The following MCC variants were observed in gnomAD, a reference collection of about 807,000 sequenced individuals.
MCC encodes colorectal mutant cancer protein.
A neutral mutation model predicts 116.2 loss-of-function variants in MCC; 90 were observed. That is an observed-to-expected ratio of 0.77 (90% confidence interval 0.65 to 0.92). The LOEUF (loss-of-function observed/expected upper bound fraction) is 0.92. MCC is among the 40% of genes least tolerant of loss of function. MCC has a pLI of 0.00. For missense variants in MCC, 1,516 were observed against 1,312.2 expected (o/e 1.16, Z -2.40); for synonymous variants, 578 against 510.5 (o/e 1.13, Z -1.78).
rs13154910 is a variant in MCC at position 113,186,668 on chromosome 5, A to T, written c.628-35246T>A. Among the ~76,000 whole-genome samples, 1,237 of 152,308 alleles carry T rather than the reference A, an allele frequency of 8.1e-3. 12 individuals carry two copies. The highest frequency in any genetic ancestry group is 0.012 in the Non-Finnish European group (828 of 68,024). On this transcript the variant is annotated intron_variant, in intron 3 of 18. Transcript: ENST00000408903. The stretch of plus-strand genomic sequence containing the variant: ...TATATTAGAGAATAAAGCAAAACAC[A>T]TACTAGAGAAAACATCTACCTATTA...
intron 7 of MCC, among the ~76,000 whole-genome samples, chr5:113,103,406 T>C (rs574592825): frequency 3.9e-5 from 6 of 152,228 alleles, no homozygotes; most frequent in African/African-American, 1.4e-4. Flanking sequence ...GACATTACAA[T>C]CAAATATAGG....
At chr5:113,336,139 C>T (rs1008327141) in intron 3 of MCC, among the ~76,000 whole-genome samples, 3 of 151,292 alleles carry the variant, frequency 2.0e-5, no homozygotes, top group Non-Finnish European at 2.9e-5. Context: ...AGGAACCTGT[C>T]CTTTTAAAAT....
chr5:113,301,846 G>A (rs1766869405), intron 3 of MCC, among the ~76,000 whole-genome samples: 1 of 152,212 alleles, frequency 6.6e-6, no homozygotes, highest in Admixed American at 6.5e-5. Flanking sequence ...GGAACATGAT[G>A]AAAAAGATCA....
chr5:113,096,334 G>T (rs1309435207), intron 8 of MCC, among the ~76,000 whole-genome samples: 2 of 152,184 alleles, frequency 1.3e-5, no homozygotes, highest in Non-Finnish European at 2.9e-5. Flanking sequence ...TAATGTGGGG[G>T]AGTGTGCCAG....
chr5:113,183,578 G>C (rs981463662), intron 3 of MCC, among the ~76,000 whole-genome samples: 6 of 152,078 alleles, frequency 3.9e-5, no homozygotes, highest in Admixed American at 1.3e-4. Flanking sequence ...TTCATTGGCT[G>C]CATCAAATTA....
At chr5:113,068,698 G>A (rs192713035) in intron 12 of MCC, among the ~76,000 whole-genome samples, 105 of 152,336 alleles carry the variant, frequency 6.9e-4, no homozygotes, top group African/African-American at 2.3e-3. Flanking sequence ...GCCAGCTGTC[G>A]TGTCTTCAAG....
intron 3 of MCC, among the ~76,000 whole-genome samples, chr5:113,168,365 T>C (rs10037994): frequency 0.027 from 4,141 of 152,324 alleles, 100 homozygotes; most frequent in East Asian, 0.083. Flanking sequence ...AGACAAGTGC[T>C]TTAACATGAT....
chr5:113,093,832 A>G (rs1755820318), intron 8 of MCC, among the ~76,000 whole-genome samples: 1 of 152,176 alleles, frequency 6.6e-6, no homozygotes. Flanking sequence ...CATTTTTATT[A>G]GCCATAAAAG....
intron 3 of MCC, among the ~76,000 whole-genome samples, chr5:113,335,426 C>T (rs1767847242): frequency 6.6e-6 from 1 of 151,644 alleles, no homozygotes; most frequent in Non-Finnish European, 1.5e-5. Context: ...AGTAGTATAG[C>T]TCACAGAATT....
At chr5:113,158,964 G>T (rs952637352) in intron 3 of MCC, among the ~76,000 whole-genome samples, 1 of 152,102 alleles carries the variant, frequency 6.6e-6, no homozygotes, top group African/African-American at 2.4e-5. Context: ...TGGGGCGGGG[G>T]TGAGGTGTGT....
rs750322605 is a variant in MCC, at chr5:113,064,124, T to C, written c.2073A>G (p.Arg691=). 1.9e-6 allele frequency: 3 copies of C among 1,613,898 alleles called. No individual in the cohort carries two copies. The highest frequency in any genetic ancestry group is 3.3e-5 in the Admixed American group (2 of 60,002). ...CAGCTGTCTTCCGGCAGTCATGAGC[T>C]CGCTTGAGCATCTGAGTGATGTTTT... is the stretch of plus-strand genomic sequence containing the variant. ...GDENITQMLK[R]AHDCRKTAEN... is the part of the protein sequence containing the mutation. The change falls in exon 14 of 19, where the codon CGA becomes CGG. Residue 691 remains arginine (R), a synonymous_variant. Transcript: ENST00000408903.
At chr5:113,359,446 G>A (rs12658437) in intron 2 of MCC, among the ~76,000 whole-genome samples, 1 of 152,204 alleles carries the variant, frequency 6.6e-6, no homozygotes, top group Non-Finnish European at 1.5e-5. Flanking sequence ...AGATATTTTA[G>A]AGACAACTAA....
chr5:113,134,944 CT>C (rs1554056937), intron 5 of MCC, among the ~76,000 whole-genome samples: 3,287 of 128,202 alleles, frequency 0.026, 116 homozygotes, highest in African/African-American at 0.095. Flanking sequence ...ACTTTTACTT[CT>C]TTTTTTTTTT....
chr5:113,094,437 T>C (rs1755877200), intron 8 of MCC, among the ~76,000 whole-genome samples: 1 of 151,824 alleles, frequency 6.6e-6, no homozygotes, highest in African/African-American at 2.4e-5. Flanking sequence ...TTTTTTTTTT[T>C]TTGAGACAGA....
intron 17 of MCC, among the ~76,000 whole-genome samples, chr5:113,032,939 G>C (rs1390827358): frequency 6.6e-6 from 1 of 152,202 alleles, no homozygotes; most frequent in Non-Finnish European, 1.5e-5. Context: ...AAAAAGGGGA[G>C]GTATGAATAA....
chr5:113,039,717 C>CT (rs1751564880), intron 17 of MCC, among the ~76,000 whole-genome samples: 2 of 141,120 alleles, frequency 1.4e-5, no homozygotes, highest in African/African-American at 5.2e-5. Context: ...CCGCGCCCCC[C>CT]CCCCCAACCC....
At chr5:113,228,263 G>C (rs900247961) in intron 3 of MCC, among the ~76,000 whole-genome samples, 1 of 152,130 alleles carries the variant, frequency 6.6e-6, no homozygotes, top group African/African-American at 2.4e-5. Context: ...AACTTTAAGA[G>C]GTGTTTGGGT....
rs1204055063 is a variant in MCC, at chr5:113,049,327, G to C, written c.2449-28C>G. The C allele has an allele frequency of 4.6e-6, 7 of 1,533,486 alleles. No homozygotes were observed. The South Asian group carries it at 4.9e-5, about 11-fold the overall frequency. 95.0% of individuals were successfully genotyped at this position (1,533,486 alleles called of 1,614,324 possible). A position where few individuals can be genotyped will look rare whatever the true frequency, so the allele number is the denominator to read the frequency against. ...ACAGACAAAGGAGCACAGAGCACAT[G>C]AGGCATGCCCTATCTGAGAGCAGGC... On this transcript the variant is annotated intron_variant, in intron 15 of 18. Coordinates refer to ENST00000408903, the MANE Select transcript of MCC (RefSeq NM_001085377.2).
intron 3 of MCC, among the ~76,000 whole-genome samples, chr5:113,171,115 A>G (rs2150303494): frequency 6.6e-6 from 1 of 152,204 alleles, no homozygotes; most frequent in East Asian, 1.9e-4. Flanking sequence ...TACATCCACA[A>G]GAAAGCTCCT....
Sources: gnomAD v4.1 joint callset for allele counts (sites outside exome capture counted in the v4.1 genomes callset) on GRCh38, gnomAD v4.1.1 for gene constraint, MANE v1.5 for transcripts, NCBI Gene and HGNC (gene_info 2026-07-23, HGNC 2026-07-21) for gene names.